Variants in AGMO observed in about 807,000 individuals in gnomAD.
AGMO encodes alkylglycerol monooxygenase.
Under a neutral mutation model 60.2 loss-of-function variants are expected in AGMO, and 75 were observed. That is an observed-to-expected ratio of 1.25 (90% confidence interval 1.03 to 1.51). AGMO has a LOEUF of 1.51. Among genes scored for constraint, AGMO ranks in the 40% most tolerant of loss-of-function variants. AGMO has a pLI of 0.00. For synonymous variants in AGMO, 261 were observed against 177.1 expected (o/e 1.47, Z -3.76); for missense variants, 763 against 525.5 (o/e 1.45, Z -4.42).
intron 3 of AGMO, among the ~76,000 whole-genome samples, chr7:15,526,899 A>C (rs1166156389): frequency 6.6e-6 from 1 of 152,118 alleles, no homozygotes; most frequent in Non-Finnish European, 1.5e-5. Flanking sequence ...TGTAATGGTG[A>C]CCTATGACCA....
chr7:15,170,822 C>T, the AGMO span, among the ~76,000 whole-genome samples: 1 of 152,102 alleles, frequency 6.6e-6, no homozygotes, highest in East Asian at 1.9e-4. Flanking sequence ...TCTTTAGGCC[C>T]CTCTTGGCTG....
chr7:15,338,351 T>A (rs1280128586), intron 12 of AGMO, among the ~76,000 whole-genome samples: 1 of 152,208 alleles, frequency 6.6e-6, no homozygotes, highest in Non-Finnish European at 1.5e-5. Flanking sequence ...TATACATTAA[T>A]TTTTAACTGT....
intron 6 of AGMO, 140 bp from the exon 7 acceptor site, chr7:15,391,045 A>G (rs960549711): frequency 1.8e-6 from 1 of 562,754 alleles, no homozygotes; most frequent in Non-Finnish European, 3.1e-6. Context: ...CTTCTCATTT[A>G]TAACATCAGA....
intron 5 of AGMO, among the ~76,000 whole-genome samples, chr7:15,394,600 C>G (rs1784295301): frequency 6.6e-6 from 1 of 152,128 alleles, no homozygotes; most frequent in Non-Finnish European, 1.5e-5. Flanking sequence ...GGCACACTAC[C>G]CTTAGATTTC....
intron 12 of AGMO, among the ~76,000 whole-genome samples, chr7:15,283,318 T>C (rs1333145998): frequency 6.6e-6 from 1 of 151,898 alleles, no homozygotes; most frequent in Non-Finnish European, 1.5e-5. Context: ...ACAAACCAAA[T>C]ATGTGCTGTC....
chr7:15,292,872 C>T lies in AGMO; in HGVS notation c.1263+72642G>A, dbSNP rs1212232496. Among the ~76,000 whole-genome samples, 3 of 150,936 alleles carry T rather than the reference C, an allele frequency of 2.0e-5. No homozygotes were observed. In the Admixed American group the frequency reaches 2.0e-4, roughly 10 times the overall value. ...TCCCAGGTTCAAGTGATTCTCCTGC[C>T]TCAACCTACCGAGTAGCTGGGATTA... On this transcript the variant is annotated intron_variant, in intron 12 of 12. Transcript: ENST00000342526.
chr7:15,480,822 A>G (rs1247487632), intron 3 of AGMO, among the ~76,000 whole-genome samples: 1 of 152,134 alleles, frequency 6.6e-6, no homozygotes, highest in Non-Finnish European at 1.5e-5. Context: ...GGCCTAGTCA[A>G]ACACCACCTA....
intron 12 of AGMO, among the ~76,000 whole-genome samples, chr7:15,313,009 T>A (rs904478340): frequency 1.3e-5 from 2 of 152,076 alleles, no homozygotes; most frequent in African/African-American, 4.8e-5. Flanking sequence ...AGAAAAGTGA[T>A]CTAATATACA....
intron 10 of AGMO, among the ~76,000 whole-genome samples, chr7:15,379,879 T>TCA (rs1783606871): frequency 1.3e-5 from 2 of 152,076 alleles, no homozygotes; most frequent in Non-Finnish European, 2.9e-5. Flanking sequence ...TCAATGTGAT[T>TCA]CATTACGTTA....
At chr7:15,519,689 C>T (rs13227420) in intron 3 of AGMO, among the ~76,000 whole-genome samples, 113,092 of 152,020 alleles carry the variant, frequency 0.74, 42,615 homozygotes, top group East Asian at 0.96. Flanking sequence ...CCAGTACCAG[C>T]CACTGCAAAA....
chr7:15,210,816 C>G (rs1300022995), intron 12 of AGMO, among the ~76,000 whole-genome samples: 1 of 151,930 alleles, frequency 6.6e-6, no homozygotes, highest in African/African-American at 2.4e-5. Context: ...ATTATTTGAT[C>G]TGGGTTTTAA....
intron 3 of AGMO, among the ~76,000 whole-genome samples, chr7:15,543,792 A>G (rs1007169454): frequency 1.3e-5 from 2 of 151,706 alleles, no homozygotes; most frequent in African/African-American, 4.8e-5. Context: ...AAGAAGGAAA[A>G]GTAGATCCAC....
intron 2 of AGMO, among the ~76,000 whole-genome samples, chr7:15,551,888 C>A (rs1784970667): frequency 6.6e-6 from 1 of 151,972 alleles, no homozygotes; most frequent in African/African-American, 2.4e-5. Context: ...AAGAACAAAG[C>A]TGGAGGCATC....
chr7:15,201,192 T>C lies in AGMO; in HGVS notation c.*93A>G. 1.1e-5 allele frequency: 8 copies of C among 711,896 alleles called. No homozygotes were observed. Among genetic ancestry groups the C allele is most frequent in the Non-Finnish European group, 1.8e-5 (8 of 450,846 alleles). The allele number at this position is 711,896 out of a possible 1,614,324, so 44.1% of individuals were successfully genotyped here. ...CTTTTCATTGAAGAAATAGTTCATA[T>C]AAGCATTACATAAAATAATTACATT... On this transcript the variant is annotated 3_prime_UTR_variant, in exon 13 of 13. Transcript: ENST00000342526.
intron 12 of AGMO, among the ~76,000 whole-genome samples, chr7:15,271,004 T>A (rs1326593538): frequency 6.6e-6 from 1 of 152,058 alleles, no homozygotes; most frequent in Non-Finnish European, 1.5e-5. Flanking sequence ...GGTTTTCTAT[T>A]CTGCTCCATT....
chr7:15,342,805 A>ACAAAAT (rs1781906188), intron 12 of AGMO, among the ~76,000 whole-genome samples: 2 of 144,064 alleles, frequency 1.4e-5, no homozygotes, highest in Non-Finnish European at 1.5e-5. Flanking sequence ...AAAAAAAAAA[A>ACAAAAT]TTGATCTGAA....
chr7:15,148,940 T>C, the AGMO span, among the ~76,000 whole-genome samples: 202 of 152,204 alleles, frequency 1.3e-3, 1 homozygote, highest in Non-Finnish European at 1.5e-3. Flanking sequence ...CTAGCATATA[T>C]AAACATTCCC....
intron 3 of AGMO, among the ~76,000 whole-genome samples, chr7:15,471,523 G>A (rs1782449806): frequency 6.6e-6 from 1 of 151,896 alleles, no homozygotes; most frequent in Non-Finnish European, 1.5e-5. Context: ...GCAGGGCATA[G>A]AGGAGAATCT....
chr7:15,390,402 T>C (rs534330865), intron 8 of AGMO, among the ~76,000 whole-genome samples: 20 of 152,320 alleles, frequency 1.3e-4, no homozygotes, highest in Non-Finnish European at 2.5e-4. Flanking sequence ...TTCAGGTCCA[T>C]TCTGAGAAAG....
Sources: gnomAD v4.1 joint callset for allele counts (sites outside exome capture counted in the v4.1 genomes callset) on GRCh38, gnomAD v4.1.1 for gene constraint, MANE v1.5 for transcripts, NCBI Gene and HGNC (gene_info 2026-07-23, HGNC 2026-07-21) for gene names.